CAST: variants seen among roughly 807,000 people sequenced by gnomAD.
CAST encodes the protein MIR583 host.
In CAST, 76 loss-of-function variants were observed where a neutral mutation model predicts 119.6. That is an observed-to-expected ratio of 0.64 (90% CI 0.53 to 0.77). The LOEUF (loss-of-function observed/expected upper bound fraction) is 0.77. CAST is among the 30% of genes least tolerant of loss of function. The probability of loss-of-function intolerance (pLI) is 0.00; values close to 1 mark genes in which losing one functional copy is unlikely to be tolerated. For missense variants in CAST, 953 were observed against 946.5 expected, an observed-to-expected ratio of 1.01 and a Z score of -0.09; for synonymous variants, 319 against 331.6, an observed-to-expected ratio of 0.96 and a Z score of 0.41.
the CAST span, among the ~76,000 whole-genome samples, chr5:96,177,483 C>T: frequency 6.6e-6 from 1 of 152,166 alleles, no homozygotes; most frequent in South Asian, 2.1e-4. Context: ...TTCAGAGACT[C>T]TGCCAGGATC....
At chr5:96,225,425 A>G in the CAST span, among the ~76,000 whole-genome samples, 1 of 152,164 alleles carries the variant, frequency 6.6e-6, no homozygotes, top group Non-Finnish European at 1.5e-5. Flanking sequence ...GGAATTATAA[A>G]ACTGTATGCA....
At chr5:96,484,904 C>T in the CAST span, among the ~76,000 whole-genome samples, 1 of 152,082 alleles carries the variant, frequency 6.6e-6, no homozygotes, top group South Asian at 2.1e-4. Flanking sequence ...GAACAACAAC[C>T]AAGTAAGTGT....
chr5:96,753,713 A>G (rs1765670834), intron 20 of CAST, among the ~76,000 whole-genome samples: 1 of 152,190 alleles, frequency 6.6e-6, no homozygotes, highest in Non-Finnish European at 1.5e-5. Flanking sequence ...CGTCTATGGA[A>G]TGATCTCCAT....
the CAST span, among the ~76,000 whole-genome samples, chr5:96,160,204 A>G: frequency 6.6e-6 from 1 of 152,010 alleles, no homozygotes; most frequent in Non-Finnish European, 1.5e-5. Context: ...CATCACCACT[A>G]TATAATTTTG....
the CAST span, among the ~76,000 whole-genome samples, chr5:96,099,611 A>G: frequency 6.6e-6 from 1 of 152,200 alleles, no homozygotes; most frequent in Non-Finnish European, 1.5e-5. Context: ...AGTTCTGTTT[A>G]TATGATGAAT....
chr5:96,042,748 G>A, the CAST span, among the ~76,000 whole-genome samples: 9 of 152,112 alleles, frequency 5.9e-5, no homozygotes, highest in Non-Finnish European at 7.4e-5. Context: ...TCTCACTTGC[G>A]AATCCTAGAG....
At chr5:96,454,808 A>G in the CAST span, among the ~76,000 whole-genome samples, 1 of 152,336 alleles carries the variant, frequency 6.6e-6, no homozygotes, top group Non-Finnish European at 1.5e-5. Flanking sequence ...TCCCTTTTCT[A>G]CCCTTCCAAT....
the CAST span, among the ~76,000 whole-genome samples, chr5:96,440,779 G>A: frequency 6.6e-6 from 1 of 152,220 alleles, no homozygotes; most frequent in African/African-American, 2.4e-5. Flanking sequence ...TGATGATCCA[G>A]CATCTACTTT....
At chr5:96,282,180 G>T in the CAST span, among the ~76,000 whole-genome samples, 2 of 151,312 alleles carry the variant, frequency 1.3e-5, no homozygotes, top group Non-Finnish European at 2.9e-5. Context: ...GCGGGGTGGG[G>T]GTGGGGTGTC....
chr5:96,741,700 A>T, intron 15 of CAST, 120 bp downstream of exon 15: 1 of 668,126 alleles, frequency 1.5e-6, no homozygotes, highest in South Asian at 1.8e-5. Flanking sequence ...TCTCAGGTCT[A>T]TGTGGAATAG....
chr5:96,527,933 C>CAA (rs549178569), upstream of CAST, among the ~76,000 whole-genome samples: 15 of 152,242 alleles, frequency 9.9e-5, no homozygotes, highest in South Asian at 3.1e-3. Flanking sequence ...CAAACCCAAA[C>CAA]AAGAGTGGCG....
At chr5:96,607,161 G>A (rs979330940) in intron 1 of CAST, among the ~76,000 whole-genome samples, 1 of 152,094 alleles carries the variant, frequency 6.6e-6, no homozygotes, top group Non-Finnish European at 1.5e-5. Context: ...GGTGGTGGGC[G>A]CCTGTAGTCC....
At chr5:96,027,650 G>T in the CAST span, among the ~76,000 whole-genome samples, 1 of 152,172 alleles carries the variant, frequency 6.6e-6, no homozygotes, top group East Asian at 1.9e-4. Flanking sequence ...GCAAACAAGA[G>T]ATCACACAAG....
At chr5:96,340,672 G>A in the CAST span, among the ~76,000 whole-genome samples, 1 of 152,172 alleles carries the variant, frequency 6.6e-6, no homozygotes, top group Non-Finnish European at 1.5e-5. Context: ...GTTTACCCCA[G>A]TTTATAACCT....
At chr5:96,680,710 T>C (rs1188427343) in intron 2 of CAST, among the ~76,000 whole-genome samples, 1 of 152,222 alleles carries the variant, frequency 6.6e-6, no homozygotes, top group Non-Finnish European at 1.5e-5. Context: ...CATTTAATGT[T>C]CATTATTTTG....
chr5:96,662,164 G>C (rs1189936736), upstream of CAST: 1 of 401,566 alleles, frequency 2.5e-6, no homozygotes, highest in Non-Finnish European at 4.4e-6. Flanking sequence ...GCGGGTCACC[G>C]GGTGAGGACC....
the CAST span, among the ~76,000 whole-genome samples, chr5:96,166,310 T>G: frequency 2.6e-5 from 4 of 152,370 alleles, no homozygotes; most frequent in South Asian, 8.3e-4. Flanking sequence ...TTAATATAGT[T>G]GCAAGTTTAT....
At chr5:96,474,502 C>T in the CAST span, among the ~76,000 whole-genome samples, 1 of 152,324 alleles carries the variant, frequency 6.6e-6, no homozygotes, top group African/African-American at 2.4e-5. Context: ...GAATATTTGG[C>T]ATTTATTACT....
the CAST span, among the ~76,000 whole-genome samples, chr5:96,252,376 T>G: frequency 2.6e-5 from 4 of 152,154 alleles, no homozygotes; most frequent in African/African-American, 9.7e-5. Flanking sequence ...ACTATATGCT[T>G]GGCACTGAGC....
Sources: gnomAD v4.1 joint callset for allele counts (sites outside exome capture counted in the v4.1 genomes callset) on GRCh38, gnomAD v4.1.1 for gene constraint, MANE v1.5 for transcripts, NCBI Gene and HGNC (gene_info 2026-07-23, HGNC 2026-07-21) for gene names.